Variants in PTPRN2 observed in about 807,000 individuals in gnomAD.
The protein encoded by PTPRN2 is protein tyrosine phosphatase receptor type N2, also known as receptor-type tyrosine-protein phosphatase N2.
PTPRN2 carries 74 observed loss-of-function variants against 118.8 expected under a neutral mutation model. That is an observed-to-expected ratio of 0.62 (90% CI 0.52 to 0.76). The LOEUF (loss-of-function observed/expected upper bound fraction) is 0.76. PTPRN2 is among the 30% of genes least tolerant of loss of function. The pLI is 0.00. For missense variants in PTPRN2, 1,481 were observed against 1,394.4 expected (o/e 1.06, Z -0.99); for synonymous variants, 641 against 608.0 (o/e 1.05, Z -0.80).
chr7:157,734,227 T>TTC lies in PTPRN2; in HGVS notation c.1789-51291_1789-51290insGA, dbSNP rs1800160440. ...CCCATGCGCCCAGCACAGTTACTCTTCCACCCCATGCTCCCAGCACACTCT... is the reference window on the plus strand; with the variant it reads ...CCCATGCGCCCAGCACAGTTACTCTTTCCCACCCCATGCTCCCAGCACACTCT... On this transcript the variant is annotated intron_variant, in intron 12 of 22. Coordinates refer to ENST00000389418, the MANE Select transcript of PTPRN2 (RefSeq NM_002847.5). Among the ~76,000 whole-genome samples, 19 of 117,470 alleles carry TTC rather than the reference T, an allele frequency of 1.6e-4. 3 individuals are homozygous for TTC. The highest frequency in any genetic ancestry group is 2.3e-4 in the Non-Finnish European group (11 of 47,616). The allele number at this position is 117,470 out of a possible 152,430, so 77.1% of individuals were successfully genotyped here.
chr7:157,571,549 CA>C, intron 19 of PTPRN2, 56 bp from the exon 20 acceptor site: 1 of 1,328,194 alleles, frequency 7.5e-7, no homozygotes, highest in Non-Finnish European at 1.1e-6. Context: ...TTGCGTTATC[CA>C]AAACAACTAT....
At position 158,273,554 on chromosome 7, in the gene PTPRN2, AGGGGG is replaced by A. The variant is rs1563072940; in HGVS notation, c.277+43260_277+43264del. Among the ~76,000 whole-genome samples, 28 of 106,354 alleles carry A rather than the reference AGGGGG, an allele frequency of 2.6e-4. 2 individuals carry two copies. Among genetic ancestry groups the A allele is most frequent in the African/African-American group, 9.9e-4 (23 of 23,180 alleles). The allele number at this position is 106,354 out of a possible 152,430, so 69.8% of individuals were successfully genotyped here. On this transcript the variant is annotated intron_variant, in intron 3 of 22. Transcript: ENST00000389418. ...CGCAGACACGGGGAGCCGCAGACAC[AGGGGG>A]AGCCGCAGGCACAGGGGGAGCCGCA... is the stretch of plus-strand genomic sequence containing the variant.
intron 9 of PTPRN2, among the ~76,000 whole-genome samples, chr7:158,121,169 C>T (rs1465515381): frequency 1.3e-5 from 2 of 152,102 alleles, no homozygotes; most frequent in Non-Finnish European, 2.9e-5. Context: ...CCATCGCTGA[C>T]CTGCCTTGCC....
chr7:158,542,334 G>T (rs994340368), intron 1 of PTPRN2, among the ~76,000 whole-genome samples: 3 of 152,196 alleles, frequency 2.0e-5, no homozygotes, highest in African/African-American at 7.2e-5. Flanking sequence ...TGTATTTTTA[G>T]TAGAGTTGGG....
Position 157,986,350 on chromosome 7 carries a change from C to T in PTPRN2, c.1724-87613G>A, listed in dbSNP as rs1475504301. Among the ~76,000 whole-genome samples the T allele has an allele frequency of 6.6e-6, 1 of 152,202 alleles. No individual in the cohort carries two copies. Among genetic ancestry groups the T allele is most frequent in the Non-Finnish European group, 1.5e-5 (1 of 68,042 alleles). On this transcript the variant is annotated intron_variant, in intron 11 of 22. Transcript: ENST00000389418. The surrounding 1 kb of genome is among the most constrained non-coding windows in gnomAD (Gnocchi z 4.5). ...ATGGACTCTGGCGGCAGATAATGGC[C>T]TGAGAGGTCAGCTAGTCCAATTGCT...
At chr7:157,904,814 T>TGCACAAGGGCAGCCTCCAGG (rs1190044166) in intron 11 of PTPRN2, among the ~76,000 whole-genome samples, 3 of 152,198 alleles carry the variant, frequency 2.0e-5, no homozygotes, top group South Asian at 4.1e-4. Flanking sequence ...TCGCGAACGC[T>TGCACAAGGGCAGCCTCCAGG]GCACAAGGGC....
intron 17 of PTPRN2, among the ~76,000 whole-genome samples, chr7:157,578,732 C>T (rs1419388401): frequency 6.6e-6 from 1 of 152,226 alleles, no homozygotes; most frequent in African/African-American, 2.4e-5. Flanking sequence ...TAAACAAAAG[C>T]ACATTTAAAC....
intron 3 of PTPRN2, among the ~76,000 whole-genome samples, chr7:158,300,518 C>T (rs115041373): frequency 0.049 from 1,223 of 24,924 alleles, 23 homozygotes; most frequent in African/African-American, 0.14. Context: ...ACGTGGTGCG[C>T]GCACCTGCAG....
chr7:158,245,284 C>CCATGCCAGAATCCGTGGT (rs931109911), intron 3 of PTPRN2, among the ~76,000 whole-genome samples: 1 of 150,030 alleles, frequency 6.7e-6, no homozygotes, highest in East Asian at 2.0e-4. Flanking sequence ...GAACCCATGG[C>CCATGCCAGAATCCGTGGT]CATGCCAGAA....
chr7:157,943,269 G>T (rs1800259701), intron 11 of PTPRN2, among the ~76,000 whole-genome samples: 1 of 152,156 alleles, frequency 6.6e-6, no homozygotes, highest in Admixed American at 6.5e-5. Flanking sequence ...GAACTTTGGG[G>T]CTTTGCTAGG....
intron 12 of PTPRN2, among the ~76,000 whole-genome samples, chr7:157,890,213 G>C (rs985641609): frequency 6.6e-6 from 1 of 152,096 alleles, no homozygotes; most frequent in African/African-American, 2.4e-5. Flanking sequence ...GACCACTGCT[G>C]TCCTGCCTTC....
chr7:158,397,994 G>A (rs776066563), intron 2 of PTPRN2, among the ~76,000 whole-genome samples: 1 of 152,186 alleles, frequency 6.6e-6, no homozygotes, highest in Non-Finnish European at 1.5e-5. Flanking sequence ...CCAAAGCAGG[G>A]AAATGAGAGG....
rs1364799982 is a variant in PTPRN2, at chr7:157,550,534, T to C, written c.2903-1515A>G. Among the ~76,000 whole-genome samples, 2 of 152,226 alleles carry C rather than the reference T, an allele frequency of 1.3e-5. No homozygotes were observed. Among genetic ancestry groups the C allele is most frequent in the African/African-American group, 4.8e-5 (2 of 41,472 alleles). On this transcript the variant is annotated intron_variant, in intron 21 of 22. Coordinates refer to ENST00000389418, the MANE Select transcript of PTPRN2 (RefSeq NM_002847.5). The surrounding 1 kb of genome is among the most constrained non-coding windows in gnomAD (Gnocchi z 5.2). ...GACCACCCCACCTGCCCTGCCTGGC[T>C]GGTGGGTCTCCCCACCTTTGAGCAC...
chr7:157,988,928 C>T (rs1293396212), intron 11 of PTPRN2, among the ~76,000 whole-genome samples: 1 of 152,178 alleles, frequency 6.6e-6, no homozygotes, highest in African/African-American at 2.4e-5. Context: ...CAGGGACACC[C>T]TCTGTGTCCT....
chr7:158,351,622 C>G (rs1010782077), intron 2 of PTPRN2, among the ~76,000 whole-genome samples: 1 of 152,154 alleles, frequency 6.6e-6, no homozygotes, highest in Non-Finnish European at 1.5e-5. Flanking sequence ...TTATTAACGC[C>G]TCATCCTTCT....
intron 1 of PTPRN2, among the ~76,000 whole-genome samples, chr7:158,491,427 C>T (rs1821435688): frequency 6.6e-6 from 1 of 152,166 alleles, no homozygotes; most frequent in Admixed American, 6.5e-5. Flanking sequence ...CCAATCCAAG[C>T]AGAGATTGTT....
intron 12 of PTPRN2, among the ~76,000 whole-genome samples, chr7:157,798,785 G>A (rs962382164): frequency 7.0e-6 from 1 of 142,206 alleles, no homozygotes; most frequent in East Asian, 2.4e-4. Context: ...ACATTGAACC[G>A]TTGATATTTA....
intron 12 of PTPRN2, among the ~76,000 whole-genome samples, chr7:157,847,701 C>CCCTCTCTCACTCCATCAT: frequency 6.8e-6 from 1 of 147,122 alleles, no homozygotes; most frequent in Non-Finnish European, 1.5e-5. Context: ...GTTTACAGAG[C>CCCTCTCTCACTCCATCAT]GCTCTCTCAC....
intron 3 of PTPRN2, among the ~76,000 whole-genome samples, chr7:158,241,500 TA>T (rs1795903376): frequency 6.6e-6 from 1 of 152,010 alleles, no homozygotes; most frequent in Non-Finnish European, 1.5e-5. Flanking sequence ...GGTGACAGAG[TA>T]AGACTCTATC....
Sources: allele counts gnomAD v4.1 joint callset (sites outside exome capture counted in the v4.1 genomes callset), GRCh38; gene constraint gnomAD v4.1.1; non-coding constraint Gnocchi (gnomAD v3.1); transcripts MANE v1.5; gene names NCBI Gene and HGNC (gene_info 2026-07-23, HGNC 2026-07-21).